CEP350: variants seen among roughly 807,000 people sequenced by gnomAD.
CEP350 encodes the protein centrosomal protein 350, also known as centrosome-associated protein 350.
In CEP350, 126 loss-of-function variants were observed where a neutral mutation model predicts 331.8. The observed-to-expected ratio is 0.38, with a 90% CI of 0.33 to 0.44. The LOEUF (loss-of-function observed/expected upper bound fraction) is 0.44. Ranked by LOEUF, CEP350 falls within the 20% of genes least tolerant of loss-of-function variation. CEP350 has a pLI of 1.00. For synonymous variants in CEP350, 1,200 were observed against 1,259.5 expected (o/e 0.95, Z 1.00); for missense variants, 3,406 against 3,634.6 (o/e 0.94, Z 1.62).
intron 12 of CEP350, among the ~76,000 whole-genome samples, chr1:180,021,599 A>G (rs1655327861): frequency 1.3e-5 from 2 of 152,216 alleles, no homozygotes; most frequent in South Asian, 4.2e-4. Context: ...CGGAGGTTGC[A>G]GTGAGCTGAG....
At chr1:180,104,593 T>G (rs1661037793) in intron 37 of CEP350, among the ~76,000 whole-genome samples, 1 of 152,180 alleles carries the variant, frequency 6.6e-6, no homozygotes, top group Non-Finnish European at 1.5e-5. Flanking sequence ...TCCAGTCTTG[T>G]CTTTACCACT....
intron 6 of CEP350, among the ~76,000 whole-genome samples, chr1:179,999,554 A>G (rs1156602843): frequency 1.3e-5 from 2 of 152,118 alleles, no homozygotes; most frequent in Non-Finnish European, 2.9e-5. Context: ...AAAATACTGT[A>G]TTCTAAAGTG....
intron 1 of CEP350, among the ~76,000 whole-genome samples, chr1:179,962,624 G>A (rs1650718666): frequency 6.6e-6 from 1 of 152,014 alleles, no homozygotes. Flanking sequence ...TGGTCAGGCT[G>A]GTCTCAAACT....
intron 8 of CEP350, among the ~76,000 whole-genome samples, chr1:180,009,199 G>C (rs1571860461): frequency 6.6e-6 from 1 of 152,138 alleles, no homozygotes; most frequent in South Asian, 2.1e-4. Context: ...TAGTAGAAAT[G>C]GGGTTTTGCC....
At position 179,996,941 on chromosome 1, in the gene CEP350, A is replaced by C; in HGVS notation, c.784A>C (p.Thr262Pro). 1 of 1,614,062 alleles carries C rather than the reference A, an allele frequency of 6.2e-7. No homozygotes were observed. The highest frequency in any genetic ancestry group is 8.5e-7 in the Non-Finnish European group (1 of 1,179,894). The change falls in exon 6 of 38, where the codon ACT becomes CCT. Residue 262 changes from threonine (T) to proline (P), a missense_variant. Physicochemically the swap from Thr to Pro is conservative, Grantham distance 38. Transcript: ENST00000367607. The stretch of plus-strand genomic sequence containing the variant: ...ACTAACTGACTCTTCTCCATCCTCT[A>C]CTAGTACTTCTAATTCCCAAAGATT... The part of the protein sequence containing the change: ...LRLTDSSPSS[T>P]STSNSQRLDI...
chr1:180,105,065 A>T lies in CEP350; in HGVS notation c.9190-5932A>T, dbSNP rs78083905. On this transcript the variant is annotated intron_variant, in intron 37 of 37. Coordinates refer to ENST00000367607, the MANE Select transcript of CEP350 (RefSeq NM_014810.5). ...TTTTACACTCCCTAATCTGTCTTTC[A>T]TGAAACCAAACTCCAGTCAAGGTTT... is the stretch of plus-strand genomic sequence containing the variant. Among the ~76,000 whole-genome samples, 205 of 151,986 alleles carry T rather than the reference A, an allele frequency of 1.3e-3. 1 individual carries two copies. The highest frequency in any genetic ancestry group is 2.6e-3 in the Non-Finnish European group (176 of 67,984).
chr1:180,020,862 G>T lies in CEP350; in HGVS notation c.3088G>T (p.Glu1030Ter). The change falls in exon 12 of 38, where the codon GAG becomes TAG. Residue 1030 changes from glutamate to a stop codon, truncating the protein, a stop_gained. Coordinates refer to ENST00000367607, the MANE Select transcript of CEP350 (RefSeq NM_014810.5). LOFTEE classifies it high-confidence loss of function. ...GERNSYEPIK[E>*]FQKEAEKFLP... ...AAGAAATAGTTATGAACCCATCAAA[G>T]AGTTTCAGAAAGAAGCTGAAAAATT... The T allele has an allele frequency of 6.2e-7, 1 of 1,613,696 alleles. No individual in the cohort carries two copies. The highest frequency in any genetic ancestry group is 8.5e-7 in the Non-Finnish European group (1 of 1,179,868).
At chr1:180,021,563 C>A (rs1251278329) in intron 12 of CEP350, among the ~76,000 whole-genome samples, 1 of 151,976 alleles carries the variant, frequency 6.6e-6, no homozygotes, top group African/African-American at 2.4e-5. Context: ...GAGGCTGAGG[C>A]ACGAGAATCG....
intron 25 of CEP350, among the ~76,000 whole-genome samples, chr1:180,060,889 T>C (rs1352895962): frequency 3.3e-5 from 5 of 152,116 alleles, no homozygotes; most frequent in Admixed American, 3.3e-4. Context: ...TTTAGAATAA[T>C]TTAAAAAGAA....
At chr1:179,981,386 C>G (rs1056018050) in intron 1 of CEP350, among the ~76,000 whole-genome samples, 4 of 152,158 alleles carry the variant, frequency 2.6e-5, no homozygotes, top group Admixed American at 2.6e-4. Context: ...CTTGAATAAT[C>G]TGTTTGACTT....
At chr1:180,012,653 C>A (rs1264158075) in intron 9 of CEP350, among the ~76,000 whole-genome samples, 1 of 152,152 alleles carries the variant, frequency 6.6e-6, no homozygotes, top group Admixed American at 6.6e-5. Context: ...AATATAAATA[C>A]TCATATGCCA....
intron 20 of CEP350, among the ~76,000 whole-genome samples, 169 bp from the exon 21 acceptor site, chr1:180,043,882 T>C (rs1329099009): frequency 1.3e-5 from 2 of 152,154 alleles, no homozygotes; most frequent in Admixed American, 1.3e-4. Context: ...CTAGGAGTGA[T>C]TTGTGTTTAC....
At chr1:179,969,032 C>T in intron 1 of CEP350, 1 of 747,532 alleles carries the variant, frequency 1.3e-6, no homozygotes. Flanking sequence ...CCACCAGCCT[C>T]AAACTGAAGC....
chr1:180,061,625 T>C (rs975240071), intron 25 of CEP350, among the ~76,000 whole-genome samples: 15 of 152,262 alleles, frequency 9.9e-5, no homozygotes, highest in Non-Finnish European at 2.2e-4. Context: ...TGGAGAGATA[T>C]TGGTACAATG....
chr1:180,086,560 T>TATATATAA (rs1553265399), intron 31 of CEP350, among the ~76,000 whole-genome samples: 2 of 133,454 alleles, frequency 1.5e-5, no homozygotes, highest in East Asian at 4.4e-4. Flanking sequence ...TATATATATA[T>TATATATAA]AAAATACATA....
rs562548913 is a variant in CEP350, at chr1:180,095,609, G to A, written c.8598G>A (p.Ala2866=). Residue 2866 remains alanine, a synonymous_variant, in exon 35 of 38, where the codon GCG becomes GCA. Transcript: ENST00000367607. The stretch of plus-strand genomic sequence containing the variant: ...AACTCAGCCGGGAGTTCCTGAGCGC[G>A]TTAGGAGATGATCAAGACTGGTTTG... ...ELELSREFLS[A]LGDDQDWFDE... The A allele has an allele frequency of 1.5e-5, 24 of 1,613,912 alleles. 1 individual carries two copies. The highest frequency in any genetic ancestry group is 3.3e-5 in the Admixed American group (2 of 60,006).
rs869242623 is a variant in CEP350, at chr1:180,004,923, C to CTT, written c.1133-1529_1133-1528dup. ...GCTTGCTTGCTTTCTTTCTTTCTTTCTTTCTTTCTTTCTTTCTTTCTTTCT... is the reference window on the plus strand; with the variant it reads ...GCTTGCTTGCTTTCTTTCTTTCTTTCTTTTTCTTTCTTTCTTTCTTTCTTTCT... On this transcript the variant is annotated intron_variant, in intron 7 of 37. Transcript: ENST00000367607. 2.7e-3 allele frequency among the ~76,000 whole-genome samples: 208 copies of CTT among 76,108 alleles called. 1 individual carries two copies. The highest frequency in any genetic ancestry group is 0.021 in the East Asian group (45 of 2,122). The allele number at this position is 76,108 out of a possible 152,430, so 49.9% of individuals were successfully genotyped here. A position where few individuals can be genotyped will look rare whatever the true frequency, so the allele number is the denominator to read the frequency against.
chr1:180,059,561 T>C (rs556811382), intron 25 of CEP350, among the ~76,000 whole-genome samples: 1 of 152,232 alleles, frequency 6.6e-6, no homozygotes, highest in African/African-American at 2.4e-5. Context: ...CAGACATCTT[T>C]GCTCGATACC....
chr1:180,029,030 A>G (rs961760833), intron 14 of CEP350, among the ~76,000 whole-genome samples: 14 of 152,144 alleles, frequency 9.2e-5, no homozygotes, highest in African/African-American at 3.1e-4. Flanking sequence ...AAGTTCTAAA[A>G]TCAGTGTGAT....
Sources: allele counts gnomAD v4.1 joint callset (sites outside exome capture counted in the v4.1 genomes callset), GRCh38; gene constraint gnomAD v4.1.1; transcripts MANE v1.5; gene names NCBI Gene and HGNC (gene_info 2026-07-23, HGNC 2026-07-21).